Variants in UAP1 observed in about 807,000 individuals in gnomAD.
UAP1 encodes UDP-N-acetylhexosamine pyrophosphorylase.
In UAP1, 25 loss-of-function variants were observed where a neutral mutation model predicts 58.5. The ratio of observed to expected loss-of-function variants is 0.43; its 90% CI spans 0.31 to 0.60. The LOEUF is 0.60. Among genes scored for constraint, UAP1 ranks in the 20% least tolerant of loss-of-function variants. The pLI, the probability that UAP1 is intolerant of heterozygous loss-of-function variation, is 0.11. For missense variants in UAP1, 575 were observed against 630.0 expected (o/e 0.91, Z 0.93); for synonymous variants, 208 against 213.0 (o/e 0.98, Z 0.21).
chr1:162,597,603 C>A (rs1307679158), intron 9 of UAP1, 189 bp from the exon 10 acceptor site: 1 of 523,770 alleles, frequency 1.9e-6, no homozygotes, highest in African/African-American at 1.9e-5. Context: ...TAGTGTCCTT[C>A]TGACCTGAGA....
At chr1:162,593,484 C>G (rs1655442321) in intron 9 of UAP1, 1 of 152,160 alleles carries the variant, frequency 6.6e-6, no homozygotes, top group South Asian at 2.1e-4. Context: ...TGCGGTGGCT[C>G]ACACCTGTAA....
chr1:162,598,424 G>C (rs1267161245), intron 10 of UAP1, among the ~76,000 whole-genome samples: 1 of 152,050 alleles, frequency 6.6e-6, no homozygotes, highest in African/African-American at 2.4e-5. Context: ...CCCATAAGTG[G>C]GTTAGTTGCC....
At chr1:162,578,566 A>G (rs1048668877) in intron 3 of UAP1, among the ~76,000 whole-genome samples, 2 of 152,178 alleles carry the variant, frequency 1.3e-5, no homozygotes, top group Non-Finnish European at 2.9e-5. Context: ...GCCTCCTACT[A>G]TCATGTTGAA....
chr1:162,567,993 T>A (rs189865812), intron 2 of UAP1, among the ~76,000 whole-genome samples: 117 of 152,306 alleles, frequency 7.7e-4, no homozygotes, highest in African/African-American at 2.3e-3. Flanking sequence ...AGATGGGGTT[T>A]CACCATGTTG....
chr1:162,570,194 A>G (rs1049770779), intron 2 of UAP1, among the ~76,000 whole-genome samples: 3 of 152,174 alleles, frequency 2.0e-5, no homozygotes, highest in Admixed American at 6.5e-5. Context: ...GGAAAATACT[A>G]AAAATTACAA....
intron 6 of UAP1, 94 bp downstream of exon 6, chr1:162,587,762 C>G: frequency 8.4e-7 from 1 of 1,193,816 alleles, no homozygotes; most frequent in Non-Finnish European, 1.2e-6. Flanking sequence ...AGTCCATATC[C>G]CACAGAATTC....
chr1:162,573,917 T>C (rs564849505), intron 2 of UAP1, among the ~76,000 whole-genome samples: 1 of 151,906 alleles, frequency 6.6e-6, no homozygotes, highest in South Asian at 2.1e-4. Flanking sequence ...TAAGCCAAGG[T>C]TGTGCCACTG....
At chr1:162,579,230 G>A (rs1654395702) in intron 3 of UAP1, among the ~76,000 whole-genome samples, 198 bp from the exon 4 acceptor site, 1 of 152,228 alleles carries the variant, frequency 6.6e-6, no homozygotes, top group Non-Finnish European at 1.5e-5. Context: ...TCATACGTAA[G>A]AGTTGATGAA....
chr1:162,579,546 A>G (rs553723661), exon 4 of UAP1: 2 of 1,607,228 alleles, frequency 1.2e-6, no homozygotes, highest in South Asian at 2.2e-5. Flanking sequence ...GCTCCCCGCC[A>G]TGAGTTTTGA....
At chr1:162,589,178 ATATAT>A (rs1655125475) in intron 7 of UAP1, among the ~76,000 whole-genome samples, 2 of 91,886 alleles carry the variant, frequency 2.2e-5, no homozygotes, top group South Asian at 2.9e-4. Context: ...TATAAATATT[ATATAT>A]AATATATATT....
chr1:162,576,812 C>G (rs1181712299), exon 3 of UAP1: 3 of 1,614,040 alleles, frequency 1.9e-6, no homozygotes, highest in Admixed American at 3.3e-5. Context: ...AGTAGCAGTT[C>G]TTCTTCTAGC....
intron 9 of UAP1, 72 bp downstream of exon 9, chr1:162,592,854 GT>G: frequency 7.3e-7 from 1 of 1,367,172 alleles, no homozygotes; most frequent in Non-Finnish European, 1.0e-6. Flanking sequence ...TGGCATCGTA[GT>G]TTAGTGCTCT....
intron 10 of UAP1, among the ~76,000 whole-genome samples, chr1:162,598,547 T>A (rs929149433): frequency 4.6e-5 from 7 of 152,362 alleles, no homozygotes; most frequent in South Asian, 2.1e-4. Flanking sequence ...TGGCTTTTTT[T>A]AAATGCAATG....
chr1:162,574,392 C>T (rs1178606234), intron 2 of UAP1, among the ~76,000 whole-genome samples: 2 of 152,076 alleles, frequency 1.3e-5, no homozygotes, highest in African/African-American at 4.8e-5. Context: ...TGCACCTGGC[C>T]GGGTTTATTT....
In UAP1 at chr1:162,597,772, A is replaced by G. The variant is rs766168320; in HGVS notation, c.1410-20A>G. On this transcript the variant is annotated intron_variant, in intron 9 of 10. Coordinates refer to ENST00000271469, the Ensembl canonical transcript of UAP1. ...ACATGGGAAGCAAAGTCTTTAACACATACTTGTTTTTTTTCTTAGCTTGAA... is the reference window on the plus strand; with the variant it reads ...ACATGGGAAGCAAAGTCTTTAACACGTACTTGTTTTTTTTCTTAGCTTGAA... The G allele has an allele frequency of 5.0e-6, 8 of 1,609,750 alleles. No homozygotes were observed. The highest frequency in any genetic ancestry group is 6.8e-6 in the Non-Finnish European group (8 of 1,177,522).
rs142766548 is a variant in UAP1, at chr1:162,597,957, G to T, written c.1476+99G>T. ...TTAAATGTTCTCACCATAAAGAAAGGATAAGTATTTGAGGTGATAGATATG... is the reference window on the plus strand; with the variant it reads ...TTAAATGTTCTCACCATAAAGAAAGTATAAGTATTTGAGGTGATAGATATG... On this transcript the variant is annotated intron_variant, in intron 10 of 10. Transcript: ENST00000271469. 28 of 1,119,854 alleles carry T rather than the reference G, an allele frequency of 2.5e-5. No individual in the cohort carries two copies. In the East Asian group the frequency reaches 6.2e-4, roughly 25 times the overall value. 69.4% of individuals were successfully genotyped at this position (1,119,854 alleles called of 1,614,324 possible).
chr1:162,592,714 T>A lies in UAP1; in HGVS notation c.1359-18T>A. The A allele has an allele frequency of 6.5e-7, 1 of 1,539,922 alleles. No individual in the cohort carries two copies. Among genetic ancestry groups the A allele is most frequent in the South Asian group, 1.2e-5 (1 of 83,860 alleles). ...GATTTGCTTCCATTCCCATTAATCCTTATTTATTCCCACATAGCAGTGCTA... is the reference window on the plus strand; with the variant it reads ...GATTTGCTTCCATTCCCATTAATCCATATTTATTCCCACATAGCAGTGCTA... On this transcript the variant is annotated intron_variant, in intron 8 of 10. Transcript: ENST00000271469.
intron 10 of UAP1, 45 bp downstream of exon 10, chr1:162,597,903 T>C (rs1655703550): frequency 1.3e-6 from 2 of 1,504,646 alleles, no homozygotes; most frequent in Non-Finnish European, 1.8e-6. Context: ...CAAAGCTTTG[T>C]ATATTTCAAA....
intron 1 of UAP1, among the ~76,000 whole-genome samples, chr1:162,564,185 A>G (rs1224990214): frequency 6.6e-6 from 1 of 152,230 alleles, no homozygotes; most frequent in Non-Finnish European, 1.5e-5. Context: ...ACCATAATGA[A>G]CATTGAAAGC....
Sources: gnomAD v4.1 joint callset for allele counts (sites outside exome capture counted in the v4.1 genomes callset) on GRCh38, gnomAD v4.1.1 for gene constraint, MANE v1.5 for transcripts, NCBI Gene and HGNC (gene_info 2026-07-23, HGNC 2026-07-21) for gene names.